The following EPB41L3 variants were observed in gnomAD, a reference collection of about 807,000 sequenced individuals.
EPB41L3 encodes the protein band 4.1-like protein 3.
In EPB41L3, 57 loss-of-function variants were observed where a neutral mutation model predicts 127.1. The observed-to-expected ratio is 0.45, with a 90% confidence interval of 0.36 to 0.56. EPB41L3 has a LOEUF of 0.56. Ranked by LOEUF, EPB41L3 falls within the 20% of genes least tolerant of loss-of-function variation. The pLI, the probability that EPB41L3 is intolerant of heterozygous loss-of-function variation, is 0.00. For missense variants in EPB41L3, 1,273 were observed against 1,372.2 expected (o/e 0.93, Z 1.14); for synonymous variants, 572 against 549.5 (o/e 1.04, Z -0.57).
At chr18:5,622,055 GTTACTTTTT>G (rs1302699684) in intron 1 of EPB41L3, among the ~76,000 whole-genome samples, 2 of 151,532 alleles carry the variant, frequency 1.3e-5, no homozygotes, top group Non-Finnish European at 2.9e-5. Flanking sequence ...TTTTGCTTTG[GTTACTTTTT>G]TTTTTAAACA....
chr18:5,434,597 G>C (rs1489481552), intron 6 of EPB41L3, among the ~76,000 whole-genome samples: 3 of 152,118 alleles, frequency 2.0e-5, no homozygotes, highest in African/African-American at 7.2e-5. Flanking sequence ...TTATAATGGA[G>C]CTAAAAAATT....
In EPB41L3 at chr18:5,423,469, C is replaced by A. The variant is rs202106014; in HGVS notation, c.1248G>T (p.Thr416=). 2 of 1,613,964 alleles carry A rather than the reference C, an allele frequency of 1.2e-6. No individual in the cohort carries two copies. The highest frequency in any genetic ancestry group is 4.5e-5 in the East Asian group (2 of 44,858). The change falls in exon 11 of 23, where the codon ACG becomes ACT. Residue 416 remains threonine (T), a synonymous_variant. Transcript: ENST00000341928. Reference sequence around the variant, plus strand: ...GATCTATCAACGCACTGGCTCTTCTCGTTTGCGCTTGTGTCCTGCCACTAT... The same window carrying A: ...GATCTATCAACGCACTGGCTCTTCTAGTTTGCGCTTGTGTCCTGCCACTAT... The part of the protein sequence containing the change: ...FRYSGRTQAQ[T]RRASALIDRP...
chr18:5,505,393 G>C (rs1249830356), intron 1 of EPB41L3, among the ~76,000 whole-genome samples: 2 of 151,978 alleles, frequency 1.3e-5, no homozygotes, highest in Non-Finnish European at 2.9e-5. Context: ...TCCAGAATGT[G>C]ATCATCTCAT....
intron 3 of EPB41L3, among the ~76,000 whole-genome samples, chr18:5,591,416 C>T (rs1191392850): frequency 1.3e-5 from 2 of 152,162 alleles, no homozygotes; most frequent in African/African-American, 4.8e-5. Flanking sequence ...TGTCCACATA[C>T]AGTGCAAGGG....
exon 2 of EPB41L3, chr18:5,614,393 T>C (rs1008845455): frequency 6.6e-6 from 1 of 152,182 alleles, no homozygotes; most frequent in Non-Finnish European, 1.5e-5. Context: ...AAAATGTTTA[T>C]AGATGAGCTT....
rs768607111 is a variant in EPB41L3 at position 5,428,296 on chromosome 18, A to G, written c.1065+17T>C. ...GATCTTTCCTCCCAACGCACAGGCA[A>G]ATGTGGGTATACTTACCTCTCCCGG... On this transcript the variant is annotated intron_variant, in intron 9 of 22. Transcript: ENST00000341928. 1.2e-6 allele frequency: 2 copies of G among 1,613,354 alleles called. No homozygotes were observed. The highest frequency in any genetic ancestry group is 1.7e-5 in the Admixed American group (1 of 59,982).
At chr18:5,476,297 A>G (rs948688525) in intron 3 of EPB41L3, among the ~76,000 whole-genome samples, 2 of 152,206 alleles carry the variant, frequency 1.3e-5, no homozygotes, top group African/African-American at 2.4e-5. Flanking sequence ...AGTTGCTCTT[A>G]AGAATCTGTC....
chr18:5,436,753 A>G (rs2079899343), intron 6 of EPB41L3, among the ~76,000 whole-genome samples: 1 of 152,050 alleles, frequency 6.6e-6, no homozygotes, highest in Admixed American at 6.6e-5. Context: ...GGGCTCTAAA[A>G]CCACAAATTA....
At chr18:5,546,925 T>C (rs1041574202), upstream of EPB41L3, among the ~76,000 whole-genome samples, 11 of 152,194 alleles carry the variant, frequency 7.2e-5, no homozygotes, top group Admixed American at 1.3e-4. Flanking sequence ...TGAATGGACA[T>C]TGAATAATGA....
At chr18:5,418,678 T>C (rs1257508294) in intron 12 of EPB41L3, among the ~76,000 whole-genome samples, 4 of 152,174 alleles carry the variant, frequency 2.6e-5, no homozygotes, top group African/African-American at 4.8e-5. Flanking sequence ...AATAATCTTA[T>C]CCCAAAAAAT....
intron 16 of EPB41L3, among the ~76,000 whole-genome samples, chr18:5,403,740 G>A (rs2074908437): frequency 1.3e-5 from 2 of 151,910 alleles, no homozygotes. Context: ...ATTTCCATTT[G>A]GAAGTAACTG....
chr18:5,585,521 CAACAAGT>C (rs2094434614), intron 3 of EPB41L3, among the ~76,000 whole-genome samples: 1 of 151,978 alleles, frequency 6.6e-6, no homozygotes, highest in Non-Finnish European at 1.5e-5. Flanking sequence ...CCAGGCTGGC[CAACAAGT>C]AATTTAAAAC....
chr18:5,590,762 G>A (rs2143525912), intron 3 of EPB41L3, among the ~76,000 whole-genome samples: 1 of 152,324 alleles, frequency 6.6e-6, no homozygotes, highest in South Asian at 2.1e-4. Flanking sequence ...CAACTTGCAT[G>A]AATCTCAAAG....
chr18:5,395,715 AGCAGAGGCATAGACC>A lies in EPB41L3; in HGVS notation c.2974-23_2974-9del, dbSNP rs1418567426. ...ATCTGTGCCTGGATCGACCTAAAGC[AGCAGAGGCATAGACC>A]CCTCATCCAGGTGCTCACATCTGCT... On this transcript the variant is annotated splice_polypyrimidine_tract_variant and intron_variant, in intron 19 of 22. Coordinates refer to ENST00000341928, the MANE Select transcript of EPB41L3 (RefSeq NM_012307.5). 6.2e-7 allele frequency: 1 copy of A among 1,613,060 alleles called. No individual in the cohort carries two copies. The highest frequency in any genetic ancestry group is 1.1e-5 in the South Asian group (1 of 91,040).
chr18:5,522,091 GTTATTTAT>G (rs149542636), intron 1 of EPB41L3, among the ~76,000 whole-genome samples: 1 of 151,594 alleles, frequency 6.6e-6, no homozygotes, highest in East Asian at 1.9e-4. Context: ...ATGCCAAATC[GTTATTTAT>G]TTATTTATTT....
chr18:5,594,713 TGGCAGTACTGAAG>T (rs1384523718), intron 3 of EPB41L3, among the ~76,000 whole-genome samples: 1 of 152,226 alleles, frequency 6.6e-6, no homozygotes, highest in Admixed American at 6.5e-5. Context: ...AAGCAGCATT[TGGCAGTACTGAAG>T]CCTTAATCTA....
intron 3 of EPB41L3, among the ~76,000 whole-genome samples, chr18:5,584,703 T>C (rs2094427173): frequency 6.6e-6 from 1 of 152,228 alleles, no homozygotes; most frequent in Admixed American, 6.5e-5. Context: ...TGAGTAAAAT[T>C]GATGCTTCTT....
intron 1 of EPB41L3, among the ~76,000 whole-genome samples, chr18:5,537,117 T>C (rs1218089982): frequency 6.6e-6 from 1 of 152,334 alleles, no homozygotes; most frequent in African/African-American, 2.4e-5. Context: ...CACATAGTTA[T>C]TAAATAGCAA....
At chr18:5,443,957 C>T in intron 4 of EPB41L3, 77 bp from the exon 5 acceptor site, 1 of 1,252,002 alleles carries the variant, frequency 8.0e-7, no homozygotes, top group Non-Finnish European at 1.1e-6. Context: ...TACAGACTCT[C>T]CCTAAATGCA....
Sources: allele counts gnomAD v4.1 joint callset (sites outside exome capture counted in the v4.1 genomes callset), GRCh38; gene constraint gnomAD v4.1.1; transcripts MANE v1.5; gene names NCBI Gene and HGNC (gene_info 2026-07-23, HGNC 2026-07-21).